The following UFL1 variants were observed in gnomAD, a reference collection of about 807,000 sequenced individuals.
UFL1 encodes E3 UFM1-protein ligase 1.
UFL1 carries 78 observed loss-of-function variants against 99.3 expected under a neutral mutation model. The ratio of observed to expected loss-of-function variants is 0.79; its 90% CI spans 0.65 to 0.95. The LOEUF (loss-of-function observed/expected upper bound fraction) is 0.95. Ranked by LOEUF, UFL1 falls within the 40% of genes least tolerant of loss-of-function variation. UFL1 has a pLI of 0.00. For missense variants in UFL1, 936 were observed against 937.0 expected (o/e 1.00, Z 0.01); for synonymous variants, 335 against 322.2 (o/e 1.04, Z -0.42).
chr6:96,528,673 G>T, intron 6 of UFL1, 41 bp downstream of exon 6: 2 of 1,533,710 alleles, frequency 1.3e-6, no homozygotes, highest in Non-Finnish European at 1.8e-6. Flanking sequence ...ACATTTCTTT[G>T]ATCATGGTTT....
intron 6 of UFL1, among the ~76,000 whole-genome samples, chr6:96,530,037 T>G (rs1769762635): frequency 1.3e-5 from 2 of 152,192 alleles, no homozygotes; most frequent in Admixed American, 1.3e-4. Flanking sequence ...ATTGATTGAT[T>G]ACTACCATCC....
rs889966975 is a variant in UFL1 at position 96,553,988 on chromosome 6, AT to A, written c.*490del. 2 of 151,922 alleles carry A rather than the reference AT, an allele frequency of 1.3e-5. No individual in the cohort carries two copies. Among genetic ancestry groups the A allele is most frequent in the Non-Finnish European group, 2.9e-5 (2 of 68,000 alleles). The allele number at this position is 151,922 out of a possible 1,614,324, so 9.4% of individuals were successfully genotyped here. ...GAAATGAAAATAAATCATGTTTTTT[AT>A]TTTTAAATAGAAAGCACTTCAAAAC... On this transcript the variant is annotated 3_prime_UTR_variant, in exon 19 of 19. Transcript: ENST00000369278.
In UFL1 at chr6:96,540,573, A is replaced by G. The variant is rs376631930; in HGVS notation, c.1197A>G (p.Glu399=). ...KNNPVHLITE[E]DLKQISTLES... ...ATCCTGTGCATTTAATCACTGAAGA[A>G]GATCTGAAACAAATCTCCACTTTAG... The change falls in exon 11 of 19, where the codon GAA becomes GAG. Residue 399 remains glutamate (E), a synonymous_variant. Transcript: ENST00000369278. 5 of 1,606,796 alleles carry G rather than the reference A, an allele frequency of 3.1e-6. No individual in the cohort carries two copies. Among genetic ancestry groups the G allele is most frequent in the Non-Finnish European group, 3.4e-6 (4 of 1,176,402 alleles).
chr6:96,529,408 C>T (rs1345172472), intron 6 of UFL1, among the ~76,000 whole-genome samples: 1 of 152,186 alleles, frequency 6.6e-6, no homozygotes, highest in Non-Finnish European at 1.5e-5. Flanking sequence ...AATCTACATT[C>T]AGTGTCTCAG....
chr6:96,551,865 G>C lies in UFL1; in HGVS notation c.1927G>C (p.Asp643His). 6.2e-7 allele frequency: 1 copy of C among 1,608,112 alleles called. No individual in the cohort carries two copies. Among genetic ancestry groups the C allele is most frequent in the Non-Finnish European group, 8.5e-7 (1 of 1,176,790 alleles). Residue 643 changes from aspartate to histidine, a missense_variant, in exon 17 of 19, where the codon GAT becomes CAT. Transcript: ENST00000369278. ...CATAGAAGACTTTATTTCTTGTCTG[G>C]ATTCTGCAGCAGAAGCTTGTGATAT... ...KSIEDFISCL[D>H]SAAEACDIMV...
At chr6:96,525,887 G>C (rs757264347) in intron 4 of UFL1, among the ~76,000 whole-genome samples, 2 of 151,792 alleles carry the variant, frequency 1.3e-5, no homozygotes, top group Non-Finnish European at 2.9e-5. Context: ...ATGCCAGCCT[G>C]GGCAACATGG....
chr6:96,524,581 A>G (rs1202525474), intron 3 of UFL1, among the ~76,000 whole-genome samples, 171 bp downstream of exon 3: 1 of 152,186 alleles, frequency 6.6e-6, no homozygotes, highest in Admixed American at 6.5e-5. Context: ...CTGATACATT[A>G]AAATGATTTA....
chr6:96,552,993 A>G (rs1464338714), intron 18 of UFL1, among the ~76,000 whole-genome samples: 1 of 152,090 alleles, frequency 6.6e-6, no homozygotes, highest in Non-Finnish European at 1.5e-5. Flanking sequence ...AAAACCCCTC[A>G]GCTAAAAGGG....
intron 5 of UFL1, 55 bp from the exon 6 acceptor site, chr6:96,528,447 C>T (rs916192062): frequency 1.3e-6 from 2 of 1,578,966 alleles, no homozygotes; most frequent in African/African-American, 1.4e-5. Flanking sequence ...TATGCAAATG[C>T]ATATGTGTAA....
At chr6:96,551,633 G>C (rs982960443) in intron 16 of UFL1, 120 bp downstream of exon 16, 4 of 780,736 alleles carry the variant, frequency 5.1e-6, no homozygotes, top group Non-Finnish European at 7.9e-6. Context: ...TTTGCACTCA[G>C]CTGCCTCTTT....
chr6:96,540,677 A>T lies in UFL1; in HGVS notation c.1279+22A>T, dbSNP rs200789975. On this transcript the variant is annotated intron_variant, in intron 11 of 18. Transcript: ENST00000369278. ...ACAGGTAATAAATTGTTAACAAGGA[A>T]TATTCAAAGTTTTGTATTTGTTGCA... 3.8e-6 allele frequency: 6 copies of T among 1,589,000 alleles called. No homozygotes were observed. The East Asian group carries it at 1.4e-4, about 36-fold the overall frequency.
At chr6:96,529,839 A>G (rs949254411) in intron 6 of UFL1, among the ~76,000 whole-genome samples, 1 of 152,196 alleles carries the variant, frequency 6.6e-6, no homozygotes, top group African/African-American at 2.4e-5. Flanking sequence ...GAAGGAGAGC[A>G]TGTATTCTAA....
chr6:96,533,477 A>G (rs1367683442), intron 6 of UFL1, among the ~76,000 whole-genome samples: 1 of 152,098 alleles, frequency 6.6e-6, no homozygotes, highest in Non-Finnish European at 1.5e-5. Context: ...AAAACACAGA[A>G]AGGAGACCAC....
At chr6:96,525,082 T>C (rs551681250) in intron 3 of UFL1, among the ~76,000 whole-genome samples, 8 of 152,042 alleles carry the variant, frequency 5.3e-5, no homozygotes, top group African/African-American at 1.7e-4. Context: ...CTTTTTTTTT[T>C]TTTGAGATGG....
chr6:96,526,446 T>C lies in UFL1; in HGVS notation c.465+11T>C. 6.3e-7 allele frequency: 1 copy of C among 1,597,834 alleles called. No individual in the cohort carries two copies. Among genetic ancestry groups the C allele is most frequent in the Non-Finnish European group, 8.6e-7 (1 of 1,168,138 alleles). ...AACTTTCTGACACAGGTATTTTTTT[T>C]CCTAATAATACAATGTGTCTTTTTA... On this transcript the variant is annotated intron_variant, in intron 5 of 18. Coordinates refer to ENST00000369278, the MANE Select transcript of UFL1 (RefSeq NM_015323.5).
chr6:96,538,501 G>A, intron 9 of UFL1, 130 bp from the exon 10 acceptor site: 1 of 755,574 alleles, frequency 1.3e-6, no homozygotes, highest in Non-Finnish European at 2.1e-6. Flanking sequence ...GAGGTTATCG[G>A]CATAAATATG....
chr6:96,547,055 C>G (rs1004529851), intron 12 of UFL1, among the ~76,000 whole-genome samples: 8 of 151,426 alleles, frequency 5.3e-5, no homozygotes, highest in African/African-American at 1.9e-4. Flanking sequence ...GAGTAAATAG[C>G]CTTCAGAATG....
intron 6 of UFL1, among the ~76,000 whole-genome samples, chr6:96,531,551 C>T (rs1769783132): frequency 6.6e-6 from 1 of 152,310 alleles, no homozygotes. Flanking sequence ...GTCTGTGCCA[C>T]ATCACCCTCC....
At chr6:96,549,316 C>G in intron 13 of UFL1, 96 bp from the exon 14 acceptor site, 1 of 975,628 alleles carries the variant, frequency 1.0e-6, no homozygotes, top group Admixed American at 3.5e-5. Flanking sequence ...ATAGAGATTT[C>G]TATTCTTAAG....
Sources: gnomAD v4.1 joint callset for allele counts (sites outside exome capture counted in the v4.1 genomes callset) on GRCh38, gnomAD v4.1.1 for gene constraint, MANE v1.5 for transcripts, NCBI Gene and HGNC (gene_info 2026-07-23, HGNC 2026-07-21) for gene names.